The following CNRIP1 variants were observed in gnomAD, a reference collection of about 807,000 sequenced individuals.
CNRIP1 encodes the protein cannabinoid receptor interacting protein 1.
Under a neutral mutation model 15.2 loss-of-function variants are expected in CNRIP1, and 10 were observed. That is an observed-to-expected ratio of 0.66 (90% CI 0.41 to 1.12). The LOEUF is 1.12. Among genes scored for constraint, CNRIP1 ranks in the 50% most tolerant of loss-of-function variants. The pLI, the probability that CNRIP1 is intolerant of heterozygous loss-of-function variation, is 0.00. For missense variants in CNRIP1, 211 were observed against 214.7 expected (o/e 0.98, Z 0.11); for synonymous variants, 91 against 83.2 (o/e 1.09, Z -0.51).
At chr2:68,300,927 T>C (rs1671582108) in intron 2 of CNRIP1, among the ~76,000 whole-genome samples, 1 of 152,204 alleles carries the variant, frequency 6.6e-6, no homozygotes, top group African/African-American at 2.4e-5. Context: ...ATTGAATTTG[T>C]AGTTAAAAAT....
In CNRIP1 at chr2:68,298,684, G is replaced by T. The variant is rs79757382; in HGVS notation, c.331-4658C>A. Among the ~76,000 whole-genome samples the T allele has an allele frequency of 7.9e-3, 1,206 of 152,302 alleles. 14 individuals carry two copies. The highest frequency in any genetic ancestry group is 0.027 in the African/African-American group (1,134 of 41,544). On this transcript the variant is annotated intron_variant, in intron 2 of 2. Coordinates refer to ENST00000263655, the MANE Select transcript of CNRIP1 (RefSeq NM_015463.3). Reference sequence around the variant, plus strand: ...AGGTCACGTTGAAGTAAATGTAACTGCTGGTAACTATGCATATGTCTTCCT... The same window carrying T: ...AGGTCACGTTGAAGTAAATGTAACTTCTGGTAACTATGCATATGTCTTCCT...
At chr2:68,295,230 G>T (rs1453143013) in intron 2 of CNRIP1, among the ~76,000 whole-genome samples, 1 of 152,178 alleles carries the variant, frequency 6.6e-6, no homozygotes, top group East Asian at 1.9e-4. Flanking sequence ...GATACAGGAG[G>T]AGGGTGATCA....
intron 2 of CNRIP1, among the ~76,000 whole-genome samples, chr2:68,294,447 G>C (rs576236865): frequency 6.6e-6 from 1 of 152,282 alleles, no homozygotes; most frequent in Non-Finnish European, 1.5e-5. Context: ...CTTGAAGCCA[G>C]GGGTTCCAGA....
intron 2 of CNRIP1, among the ~76,000 whole-genome samples, chr2:68,305,975 A>G (rs1310666494): frequency 6.6e-6 from 1 of 151,162 alleles, no homozygotes; most frequent in Non-Finnish European, 1.5e-5. Context: ...CTAAATATAA[A>G]AAGGTTTTGC....
At chr2:68,306,434 G>T (rs752721957) in intron 2 of CNRIP1, among the ~76,000 whole-genome samples, 46 of 152,058 alleles carry the variant, frequency 3.0e-4, no homozygotes, top group Non-Finnish European at 6.0e-4. Context: ...AATGAAAAGT[G>T]TATTCCACTA....
chr2:68,306,617 C>T (rs757507603), intron 2 of CNRIP1, among the ~76,000 whole-genome samples: 1 of 151,930 alleles, frequency 6.6e-6, no homozygotes, highest in Non-Finnish European at 1.5e-5. Flanking sequence ...CCTGTCTCTA[C>T]TGAAAATACA....
chr2:68,319,145 C>CG (rs1672393097), intron 1 of CNRIP1, 77 bp downstream of exon 1: 14 of 1,396,826 alleles, frequency 1.0e-5, no homozygotes, highest in Non-Finnish European at 1.3e-5. Context: ...TTGAGAGGCT[C>CG]GGGCTGTCCT....
chr2:68,296,873 T>C (rs1671383337), intron 2 of CNRIP1, among the ~76,000 whole-genome samples: 1 of 152,128 alleles, frequency 6.6e-6, no homozygotes, highest in Non-Finnish European at 1.5e-5. Context: ...ACTCCTGACC[T>C]CGTGATCCAC....
At chr2:68,298,839 T>C (rs1372605115) in intron 2 of CNRIP1, among the ~76,000 whole-genome samples, 4 of 152,166 alleles carry the variant, frequency 2.6e-5, no homozygotes, top group African/African-American at 9.7e-5. Context: ...ACAGATGGGG[T>C]CTTGAAAGCT....
Position 68,319,445 on chromosome 2 carries a change from A to G in CNRIP1, c.-45T>C. ...GCGGCGGCTCCGGGGGGCGGAGGAC[A>G]GCGCCGGCTGCGGCCGAGTGGCTGG... On this transcript the variant is annotated 5_prime_UTR_variant, in exon 1 of 3. Transcript: ENST00000263655. 4.8e-6 allele frequency: 7 copies of G among 1,465,630 alleles called. No homozygotes were observed. The highest frequency in any genetic ancestry group is 6.3e-6 in the Non-Finnish European group (7 of 1,110,322). The allele number at this position is 1,465,630 out of a possible 1,614,324, so 90.8% of individuals were successfully genotyped here.
intron 2 of CNRIP1, among the ~76,000 whole-genome samples, chr2:68,304,840 C>A (rs1671753057): frequency 1.3e-5 from 2 of 152,056 alleles, no homozygotes; most frequent in Non-Finnish European, 2.9e-5. Flanking sequence ...ATCAAGTCAC[C>A]AGCTCCTATA....
chr2:68,293,983 A>G lies in CNRIP1; in HGVS notation c.374T>C (p.Phe125Ser). The G allele has an allele frequency of 6.2e-7, 1 of 1,614,070 alleles. No homozygotes were observed. Among genetic ancestry groups the G allele is most frequent in the South Asian group, 1.1e-5 (1 of 91,048 alleles). ...GTGATCCCGCTTGTGGTAATTGTAG[A>G]ACTTGACTTGCCACACTGTCTCGAA... ...GTFETVWQVK[F>S]YNYHKRDHCQ... Residue 125 changes from phenylalanine (F) to serine (S), a missense_variant, in exon 3 of 3, where the codon TTC becomes TCC. By Grantham distance (155) the Phe-to-Ser change is radical (BLOSUM62 -2). Transcript: ENST00000263655.
intron 2 of CNRIP1, among the ~76,000 whole-genome samples, chr2:68,300,052 T>C (rs1671546227): frequency 6.6e-6 from 1 of 152,262 alleles, no homozygotes; most frequent in South Asian, 2.1e-4. Context: ...CAATTTCCAC[T>C]GAATTTCAAG....
chr2:68,301,388 T>C (rs1254203923), intron 2 of CNRIP1, among the ~76,000 whole-genome samples: 4 of 152,144 alleles, frequency 2.6e-5, no homozygotes, highest in African/African-American at 4.8e-5. Context: ...TAAGGGGCAT[T>C]GACAAAAAAC....
chr2:68,308,424 T>C (rs563641075), intron 2 of CNRIP1, among the ~76,000 whole-genome samples: 3 of 152,286 alleles, frequency 2.0e-5, no homozygotes, highest in Non-Finnish European at 4.4e-5. Flanking sequence ...ATATTTCTAT[T>C]GTTTTATTCT....
chr2:68,284,374 GA>G (rs5831925), exon 3 of CNRIP1: 471,080 of 961,316 alleles, frequency 0.49, 72,033 homozygotes, highest in South Asian at 0.51. Context: ...AAATAATTTG[GA>G]AAAAAAAAAA....
At chr2:68,303,005 G>A (rs1671672404) in intron 2 of CNRIP1, among the ~76,000 whole-genome samples, 1 of 151,674 alleles carries the variant, frequency 6.6e-6, no homozygotes, top group Non-Finnish European at 1.5e-5. Flanking sequence ...CCGCTACCTC[G>A]CCCGGCTAAT....
At chr2:68,312,018 T>C (rs1019820649) in intron 2 of CNRIP1, among the ~76,000 whole-genome samples, 2 of 152,138 alleles carry the variant, frequency 1.3e-5, no homozygotes, top group African/African-American at 4.8e-5. Context: ...TCAAATAAAG[T>C]ATAATCTATG....
At chr2:68,310,155 C>G (rs987891475) in intron 2 of CNRIP1, among the ~76,000 whole-genome samples, 6 of 152,116 alleles carry the variant, frequency 3.9e-5, no homozygotes, top group African/African-American at 7.2e-5. Context: ...TGGTGAAACC[C>G]TGTCTCTAAT....
Sources: gnomAD v4.1 joint callset for allele counts (sites outside exome capture counted in the v4.1 genomes callset) on GRCh38, gnomAD v4.1.1 for gene constraint, MANE v1.5 for transcripts, NCBI Gene and HGNC (gene_info 2026-07-23, HGNC 2026-07-21) for gene names.